The following VPS13B variants were observed in gnomAD, a reference collection of about 807,000 sequenced individuals.
VPS13B encodes vacuolar protein sorting 13 homolog B, also known as intermembrane lipid transfer protein VPS13B.
In VPS13B, 285 loss-of-function variants were observed where a neutral mutation model predicts 426.4. That is an observed-to-expected ratio of 0.67 (90% CI 0.61 to 0.74). The LOEUF (loss-of-function observed/expected upper bound fraction) is 0.74. Ranked by LOEUF, VPS13B falls within the 30% of genes least tolerant of loss-of-function variation. The pLI is 0.00. For missense variants in VPS13B, 4,537 were observed against 4,782.6 expected (o/e 0.95, Z 1.51); for synonymous variants, 1,676 against 1,676.4 (o/e 1.00, Z 0.01).
intron 25 of VPS13B, among the ~76,000 whole-genome samples, chr8:99,500,629 G>A (rs902468779): frequency 5.3e-5 from 8 of 152,060 alleles, no homozygotes; most frequent in Admixed American, 2.6e-4. Context: ...ATCTGTAACT[G>A]ATATGTAAAT....
chr8:99,147,135 G>A (rs1015608630), intron 13 of VPS13B, among the ~76,000 whole-genome samples: 3 of 152,126 alleles, frequency 2.0e-5, no homozygotes, highest in Admixed American at 2.0e-4. Flanking sequence ...TATTTAAGAT[G>A]TAGTCTCGCT....
Position 99,192,871 on chromosome 8 carries a change from T to G in VPS13B, c.2334-5T>G, listed in dbSNP as rs1813681085. 6.2e-7 allele frequency: 1 copy of G among 1,612,670 alleles called. No individual in the cohort carries two copies. The highest frequency in any genetic ancestry group is 1.7e-4 in the Middle Eastern group (1 of 6,056). ...TATTGCGATTCTTTCTGTTTTCTTG[T>G]GCAGGACCAAAAGATCTCAGATTGC... On this transcript the variant is annotated splice_region_variant and splice_polypyrimidine_tract_variant and intron_variant, in intron 16 of 61. Coordinates refer to ENST00000357162, the MANE Select transcript of VPS13B (RefSeq NM_152564.5).
rs934468326 is a variant in VPS13B, at chr8:99,697,171, A to G, written c.6047-2354A>G. 41 of 545,790 alleles carry G rather than the reference A, an allele frequency of 7.5e-5. 1 individual carries two copies. In the South Asian group the frequency reaches 7.8e-4, roughly 10 times the overall value. The allele number at this position is 545,790 out of a possible 1,614,324, so 33.8% of individuals were successfully genotyped here. A position where few individuals can be genotyped will look rare whatever the true frequency, so the allele number is the denominator to read the frequency against. On this transcript the variant is annotated intron_variant, in intron 35 of 61. Coordinates refer to ENST00000357162, the MANE Select transcript of VPS13B (RefSeq NM_152564.5). ...CTCCCAGAGATTGTGGCAAAGGAAG[A>G]GCAGGTGAAAGTGGCTGAGGTGGAG...
chr8:99,377,038 T>C (rs1021415), intron 19 of VPS13B, among the ~76,000 whole-genome samples: 9,592 of 152,150 alleles, frequency 0.063, 406 homozygotes, highest in African/African-American at 0.12. Flanking sequence ...GCTGAGAAGT[T>C]GGTCATAAAT....
At chr8:99,844,922 C>G (rs1815902023) in intron 54 of VPS13B, among the ~76,000 whole-genome samples, 1 of 152,160 alleles carries the variant, frequency 6.6e-6, no homozygotes, top group Non-Finnish European at 1.5e-5. Context: ...ACGTAATGTT[C>G]CAGACACAGG....
chr8:99,372,679 G>C (rs985197836), intron 19 of VPS13B, among the ~76,000 whole-genome samples: 3 of 152,218 alleles, frequency 2.0e-5, no homozygotes, highest in Non-Finnish European at 4.4e-5. Context: ...TGCTGGCGAG[G>C]CTGTGGAGAA....
intron 33 of VPS13B, among the ~76,000 whole-genome samples, chr8:99,605,926 C>T (rs1827546026): frequency 1.3e-5 from 2 of 152,122 alleles, no homozygotes; most frequent in African/African-American, 4.8e-5. Context: ...GACAAGGTCC[C>T]ACTGTATCAC....
At chr8:99,080,257 G>T (rs929561212) in intron 3 of VPS13B, among the ~76,000 whole-genome samples, 5 of 151,600 alleles carry the variant, frequency 3.3e-5, no homozygotes, top group Admixed American at 6.6e-5. Context: ...ATGAAGTTGG[G>T]TTTTTCTGGT....
chr8:99,490,023 T>C (rs1820516084), intron 25 of VPS13B, among the ~76,000 whole-genome samples: 1 of 152,182 alleles, frequency 6.6e-6, no homozygotes, highest in African/African-American at 2.4e-5. Context: ...CTGTTCAATA[T>C]GATATTGGCT....
At chr8:99,497,144 ATATT>A (rs1430738933) in intron 25 of VPS13B, among the ~76,000 whole-genome samples, 1 of 122,126 alleles carries the variant, frequency 8.2e-6, no homozygotes, top group Non-Finnish European at 1.7e-5. Flanking sequence ...ATAAATATAT[ATATT>A]TATGTAATAT....
intron 17 of VPS13B, among the ~76,000 whole-genome samples, chr8:99,215,337 G>T (rs1007959053): frequency 5.9e-5 from 9 of 152,250 alleles, no homozygotes; most frequent in Non-Finnish European, 1.3e-4. Flanking sequence ...GGAATTAATT[G>T]TTAAGAAAAT....
chr8:99,542,606 C>T (rs1411695337), intron 30 of VPS13B, among the ~76,000 whole-genome samples: 5 of 152,104 alleles, frequency 3.3e-5, no homozygotes, highest in African/African-American at 1.2e-4. Flanking sequence ...ACTGTGGCAG[C>T]TTTGAATTCC....
At chr8:99,190,852 C>T (rs776659661) in intron 16 of VPS13B, among the ~76,000 whole-genome samples, 1 of 151,540 alleles carries the variant, frequency 6.6e-6, no homozygotes, top group Non-Finnish European at 1.5e-5. Context: ...TTAAAAAATT[C>T]ACCCATATAT....
intron 13 of VPS13B, among the ~76,000 whole-genome samples, chr8:99,143,810 T>C (rs1396200668): frequency 2.0e-5 from 3 of 152,214 alleles, no homozygotes; most frequent in African/African-American, 7.2e-5. Flanking sequence ...ACAATACGTT[T>C]AGTTACTGTG....
chr8:99,737,616 G>A (rs1400857296), intron 39 of VPS13B, among the ~76,000 whole-genome samples: 1 of 152,122 alleles, frequency 6.6e-6, no homozygotes, highest in Non-Finnish European at 1.5e-5. Context: ...GAGAGATCCT[G>A]TTGCATTTAT....
At chr8:99,096,755 CAAA>C (rs56378823) in intron 4 of VPS13B, among the ~76,000 whole-genome samples, 24 of 116,784 alleles carry the variant, frequency 2.1e-4, no homozygotes, top group African/African-American at 2.9e-4. Flanking sequence ...TACTCTGTCT[CAAA>C]AAAAAAAAAA....
At chr8:99,850,281 TTA>T in intron 55 of VPS13B, among the ~76,000 whole-genome samples, 1 of 115,590 alleles carries the variant, frequency 8.7e-6, no homozygotes, top group Non-Finnish European at 1.8e-5. Context: ...ATGTATGTAC[TTA>T]TACATACATA....
At chr8:99,097,740 A>G (rs1172931605) in intron 4 of VPS13B, among the ~76,000 whole-genome samples, 1 of 152,184 alleles carries the variant, frequency 6.6e-6, no homozygotes, top group Non-Finnish European at 1.5e-5. Flanking sequence ...AAAAACATTA[A>G]TGGAGATAGG....
intron 19 of VPS13B, among the ~76,000 whole-genome samples, chr8:99,306,326 T>A (rs1820635983): frequency 6.6e-6 from 1 of 152,026 alleles, no homozygotes; most frequent in African/African-American, 2.4e-5. Context: ...GAGTGCCAGA[T>A]GGACTAGTGA....
Sources: gnomAD v4.1 joint callset for allele counts (sites outside exome capture counted in the v4.1 genomes callset) on GRCh38, gnomAD v4.1.1 for gene constraint, MANE v1.5 for transcripts, NCBI Gene and HGNC (gene_info 2026-07-23, HGNC 2026-07-21) for gene names.